The following EML2 variants were observed in gnomAD, a reference collection of about 807,000 sequenced individuals.
EML2 encodes echinoderm microtubule-associated protein-like 2.
A neutral mutation model predicts 84.7 loss-of-function variants in EML2; 59 were observed. That is an observed-to-expected ratio of 0.70 (90% CI 0.56 to 0.86). EML2 has a LOEUF of 0.86. EML2 is among the 40% of genes least tolerant of loss of function. The pLI, the probability that EML2 is intolerant of heterozygous loss-of-function variation, is 0.00. For synonymous variants in EML2, 352 were observed against 348.9 expected, an observed-to-expected ratio of 1.01 and a Z score of -0.10; for missense variants, 818 against 855.6, an observed-to-expected ratio of 0.96 and a Z score of 0.55.
chr19:45,632,518 C>T (rs1973176114), intron 6 of EML2: 1 of 220,554 alleles, frequency 4.5e-6, no homozygotes, highest in Admixed American at 5.2e-5. Flanking sequence ...CACAATCACA[C>T]ACTTGGATGT....
At chr19:45,621,706 G>A in intron 9 of EML2, 69 bp from the exon 10 acceptor site, 1 of 1,488,006 alleles carries the variant, frequency 6.7e-7, no homozygotes, top group Non-Finnish European at 9.1e-7. Flanking sequence ...AAAGCATCTT[G>A]AACTCTCAAG....
At chr19:45,644,604 T>C, upstream of EML2, 2 of 439,294 alleles carry the variant, frequency 4.6e-6, no homozygotes, top group Non-Finnish European at 9.3e-6. Context: ...ACTCAAGCCC[T>C]CCGCTCCCTC....
At chr19:45,643,635 A>C (rs927594149), upstream of EML2, 1 of 1,536,008 alleles carries the variant, frequency 6.5e-7, no homozygotes, top group African/African-American at 1.4e-5. Flanking sequence ...TGGTGGAAGT[A>C]AAGGTGGTAG....
At position 45,609,739 on chromosome 19, in the gene EML2, G is replaced by T; in HGVS notation, c.1874C>A (p.Ala625Asp). 1 of 1,613,364 alleles carries T rather than the reference G, an allele frequency of 6.2e-7. No individual in the cohort carries two copies. Among genetic ancestry groups the T allele is most frequent in the East Asian group, 2.2e-5 (1 of 44,832 alleles). The change falls in exon 19 of 19, where the codon GCC (alanine) becomes GAC (aspartate). Residue 625 changes from alanine (A) to aspartate (D), a missense_variant. Coordinates refer to ENST00000245925, the MANE Select transcript of EML2 (RefSeq NM_012155.4). ...GGCCATGCTGTCATCCCACAAGAAG[G>T]CCACATTTGTCACATGGCTGCTGTG... ...GGHSSHVTNV[A>D]FLWDDSMALT...
intron 7 of EML2, among the ~76,000 whole-genome samples, chr19:45,629,047 TG>T (rs1445648981): frequency 6.6e-6 from 1 of 152,038 alleles, no homozygotes; most frequent in Non-Finnish European, 1.5e-5. Flanking sequence ...ACCCTTCTGT[TG>T]GGCCTGGTCC....
rs1176269581 is a variant in EML2 at position 45,629,966 on chromosome 19, C to A, written c.591G>T (p.Lys197Asn). The A allele has an allele frequency of 6.2e-7, 1 of 1,613,500 alleles. No individual in the cohort carries two copies. Among genetic ancestry groups the A allele is most frequent in the Non-Finnish European group, 8.5e-7 (1 of 1,179,602 alleles). ...GTCACCTCACCTTGACATCCACCAC[C>A]TTGGTCTCCTTGGCCCAGTCCCACA... ...LSVWDWAKET[K>N]VVDVKCSNEA... The change falls in exon 7 of 19, where the codon AAG (lysine) becomes AAT (asparagine). Residue 197 changes from lysine (K) to asparagine (N), a missense_variant. Lys to Asn is a moderately conservative substitution (Grantham distance 94). Transcript: ENST00000245925.
rs1971704309 is a variant in EML2, at chr19:45,621,545, C to T, written c.934G>A (p.Gly312Arg). Residue 312 changes from glycine (G) to arginine (R), a missense_variant, in exon 10 of 19, where the codon GGG becomes AGG. Transcript: ENST00000245925. ...ALRDGTLVSG[G>R]GRDRRVVLWG... ...AGGACCACCCGCCGATCACGGCCCCCTCCAGACACCAGCGTCCCGTCCCGC... is the reference window on the plus strand; with the variant it reads ...AGGACCACCCGCCGATCACGGCCCCTTCCAGACACCAGCGTCCCGTCCCGC... 6.2e-7 allele frequency: 1 copy of T among 1,613,086 alleles called. No individual in the cohort carries two copies. Among genetic ancestry groups the T allele is most frequent in the Non-Finnish European group, 8.5e-7 (1 of 1,179,990 alleles).
chr19:45,609,409 G>A lies in EML2; in HGVS notation c.*254C>T, dbSNP rs112361770. ...TAGACCCTGACACACCTTAGTGTAC[G>A]TGTCTTTATTTCTGGATGATATAAA... On this transcript the variant is annotated 3_prime_UTR_variant, in exon 19 of 19. Transcript: ENST00000245925. 16 of 349,022 alleles carry A rather than the reference G, an allele frequency of 4.6e-5. No homozygotes were observed. Among genetic ancestry groups the A allele is most frequent in the East Asian group, 3.3e-4 (6 of 17,956 alleles). 21.6% of individuals were successfully genotyped at this position (349,022 alleles called of 1,614,324 possible).
Position 45,609,565 on chromosome 19 carries a change from G to A in EML2, c.*98C>T, listed in dbSNP as rs1970268609. 1 of 1,295,878 alleles carries A rather than the reference G, an allele frequency of 7.7e-7. No homozygotes were observed. The highest frequency in any genetic ancestry group is 1.7e-5 in the South Asian group (1 of 59,596). 80.3% of individuals were successfully genotyped at this position (1,295,878 alleles called of 1,614,324 possible). On this transcript the variant is annotated 3_prime_UTR_variant, in exon 19 of 19. Coordinates refer to ENST00000245925, the MANE Select transcript of EML2 (RefSeq NM_012155.4). ...CCCTCCCGCCCCCATAACCCCCTCTGCTATAGACATACTCTGGGTATATAT... is the reference window on the plus strand; with the variant it reads ...CCCTCCCGCCCCCATAACCCCCTCTACTATAGACATACTCTGGGTATATAT...
At chr19:45,613,777 G>C in intron 17 of EML2, 106 bp from the exon 18 acceptor site, 1 of 1,380,830 alleles carries the variant, frequency 7.2e-7, no homozygotes, top group Non-Finnish European at 9.9e-7. Flanking sequence ...GACCTAGCCT[G>C]TATCTATCCG....
upstream of EML2, chr19:45,642,657 T>A: frequency 5.1e-6 from 3 of 591,572 alleles, no homozygotes; most frequent in Non-Finnish European, 7.0e-6. Context: ...TCGCTCTGGC[T>A]TTAAGATGCT....
At chr19:45,641,710 G>A (rs1009498408), upstream of EML2, 4 of 1,536,180 alleles carry the variant, frequency 2.6e-6, no homozygotes, top group South Asian at 1.2e-5. Context: ...ACGGCGCACC[G>A]AGGCGAGGCG....
chr19:45,613,115 T>C (rs2122596345), intron 18 of EML2, among the ~76,000 whole-genome samples: 1 of 152,124 alleles, frequency 6.6e-6, no homozygotes, highest in East Asian at 1.9e-4. Context: ...CCCAGGCTGG[T>C]CTTGAACTCC....
chr19:45,621,750 C>CAT, intron 9 of EML2, 113 bp from the exon 10 acceptor site: 1 of 994,422 alleles, frequency 1.0e-6, no homozygotes, highest in Non-Finnish European at 1.4e-6. Context: ...ACTTTTCCAC[C>CAT]TTTTTTTTTT....
intron 12 of EML2, 44 bp from the exon 13 acceptor site, chr19:45,617,741 C>T (rs1245391282): frequency 1.3e-6 from 2 of 1,578,324 alleles, no homozygotes. Flanking sequence ...GCTGGGGTCC[C>T]ATGTCCATCT....
upstream of EML2, chr19:45,643,699 C>T (rs1974804424): frequency 6.5e-7 from 1 of 1,535,220 alleles, no homozygotes; most frequent in East Asian, 2.4e-5. Context: ...GTCCACAGGC[C>T]GCGCAGCTGG....
intron 7 of EML2, among the ~76,000 whole-genome samples, chr19:45,629,208 C>T (rs1372789445): frequency 6.6e-6 from 1 of 152,236 alleles, no homozygotes; most frequent in Non-Finnish European, 1.5e-5. Flanking sequence ...TGGCTCACTG[C>T]AGCCTCAACC....
chr19:45,618,306 A>G (rs1971313621), intron 12 of EML2, among the ~76,000 whole-genome samples: 1 of 150,618 alleles, frequency 6.6e-6, no homozygotes, highest in African/African-American at 2.4e-5. Context: ...AAACTCCTGG[A>G]TTCACACAAT....
chr19:45,641,862 CCT>C (rs1231154191), upstream of EML2: 33 of 1,476,396 alleles, frequency 2.2e-5, no homozygotes, highest in Non-Finnish European at 1.4e-5. Context: ...AAACAAACCA[CCT>C]CTGTCTCCCA....
Sources: allele counts gnomAD v4.1 joint callset (sites outside exome capture counted in the v4.1 genomes callset), GRCh38; gene constraint gnomAD v4.1.1; transcripts MANE v1.5; gene names NCBI Gene and HGNC (gene_info 2026-07-23, HGNC 2026-07-21).